TFEB: variants seen among roughly 807,000 people sequenced by gnomAD.
TFEB encodes the protein T-cell transcription factor EB.
Under a neutral mutation model 48.0 loss-of-function variants are expected in TFEB, and 12 were observed. That is an observed-to-expected ratio of 0.25 (90% CI 0.16 to 0.40). The LOEUF (loss-of-function observed/expected upper bound fraction) is 0.40, where lower values mean the gene tolerates loss of function less well. TFEB is among the 10% of genes least tolerant of loss of function. TFEB has a pLI of 1.00. For synonymous variants in TFEB, 244 were observed against 261.4 expected (o/e 0.93, Z 0.64); for missense variants, 509 against 640.3 (o/e 0.79, Z 2.21).
intron 1 of TFEB, among the ~76,000 whole-genome samples, chr6:41,713,631 G>A (rs1362294985): frequency 1.3e-5 from 2 of 152,180 alleles, no homozygotes. Context: ...CAGGCACCTG[G>A]TGGGCAGCAG....
At chr6:41,700,237 C>CG (rs1769828755) in intron 1 of TFEB, among the ~76,000 whole-genome samples, 1 of 152,118 alleles carries the variant, frequency 6.6e-6, no homozygotes, top group African/African-American at 2.4e-5. Flanking sequence ...GAGGCTGAGG[C>CG]GGGCGGATCA....
In TFEB at chr6:41,723,481, G is replaced by A. The variant is rs770593457; in HGVS notation, c.-23+11869C>T. 7.8e-7 allele frequency: 1 copy of A among 1,289,362 alleles called. No individual in the cohort carries two copies. Among genetic ancestry groups the A allele is most frequent in the South Asian group, 1.2e-5 (1 of 81,018 alleles). 79.9% of individuals were successfully genotyped at this position (1,289,362 alleles called of 1,614,324 possible). On this transcript the variant is annotated intron_variant, in intron 1 of 8. Transcript: ENST00000373033. The surrounding 1 kb of genome is among the most constrained non-coding windows in gnomAD (Gnocchi z 6.0). Reference sequence around the variant, plus strand: ...CATACCTTCGAGAGGGCAGCCCCCTGGAAGGAGGCCCCTGGAATGCTCAGC... The same window carrying A: ...CATACCTTCGAGAGGGCAGCCCCCTAGAAGGAGGCCCCTGGAATGCTCAGC...
chr6:41,733,765 G>A, intron 1 of TFEB: 2 of 984,970 alleles, frequency 2.0e-6, no homozygotes, highest in Non-Finnish European at 2.4e-6. Flanking sequence ...GTCCCTCCCC[G>A]GACAGTGAGC....
intron 8 of TFEB, among the ~76,000 whole-genome samples, chr6:41,685,432 T>C (rs1768948714): frequency 6.6e-6 from 1 of 152,238 alleles, no homozygotes; most frequent in South Asian, 2.1e-4. Context: ...TTTTTCACTT[T>C]GTGCCTGTGT....
In TFEB at chr6:41,723,775, C is replaced by G. The variant is rs765193168; in HGVS notation, c.-23+11575G>C. On this transcript the variant is annotated intron_variant, in intron 1 of 8. Transcript: ENST00000373033. This position sits in a 1 kb window ranked among gnomAD's most constrained non-coding sequence, Gnocchi z 6.0. ...CCGGCTCCAGGCGCCCACAGCGCTC[C>G]TTGGTCCTCCCACAGGAGGCCTCTC... 28 of 372,720 alleles carry G rather than the reference C, an allele frequency of 7.5e-5. No homozygotes were observed. Among genetic ancestry groups the G allele is most frequent in the Non-Finnish European group, 1.3e-4 (25 of 188,646 alleles). 23.1% of individuals were successfully genotyped at this position (372,720 alleles called of 1,614,324 possible). A position where few individuals can be genotyped will look rare whatever the true frequency, so the allele number is the denominator to read the frequency against.
At chr6:41,732,101 G>C (rs185532711) in intron 1 of TFEB, among the ~76,000 whole-genome samples, 27 of 152,212 alleles carry the variant, frequency 1.8e-4, no homozygotes, top group Middle Eastern at 6.8e-3. Context: ...GCCCAGGCTG[G>C]TCTCGAACTC....
At chr6:41,692,656 C>A (rs1769376455) in intron 1 of TFEB, among the ~76,000 whole-genome samples, 1 of 152,174 alleles carries the variant, frequency 6.6e-6, no homozygotes, top group African/African-American at 2.4e-5. Context: ...CTGGGTAAGT[C>A]CCCTCCCCCT....
intron 1 of TFEB, among the ~76,000 whole-genome samples, chr6:41,732,020 C>T (rs542989902): frequency 3.4e-4 from 51 of 152,186 alleles, no homozygotes; most frequent in Non-Finnish European, 6.2e-4. Flanking sequence ...AGCAAGTTCC[C>T]ACCCTGCTTT....
In TFEB at chr6:41,720,207, G is replaced by T. The variant is rs1770918561; in HGVS notation, c.-23+15143C>A. Among the ~76,000 whole-genome samples, 1 of 152,154 alleles carries T rather than the reference G, an allele frequency of 6.6e-6. No individual in the cohort carries two copies. Among genetic ancestry groups the T allele is most frequent in the Non-Finnish European group, 1.5e-5 (1 of 68,036 alleles). ...CAGCCCCTTAAGCTGGGACTCCTGG[G>T]GTACTCAATGAAGAGTGGAGCTTTA... On this transcript the variant is annotated intron_variant, in intron 1 of 8. Coordinates refer to ENST00000373033, the MANE Select transcript of TFEB (RefSeq NM_001271944.2). The surrounding 1 kb of genome is among the most constrained non-coding windows in gnomAD (Gnocchi z 4.1).
chr6:41,697,960 A>G (rs905343703), intron 1 of TFEB, among the ~76,000 whole-genome samples: 2 of 152,208 alleles, frequency 1.3e-5, no homozygotes, highest in African/African-American at 4.8e-5. Flanking sequence ...TGATGTAACC[A>G]TAAGTATTTT....
rs1353075522 is a variant in TFEB, at chr6:41,691,581, A to G, written c.-22-346T>C. 2.7e-5 allele frequency: 13 copies of G among 478,482 alleles called. No homozygotes were observed. The highest frequency in any genetic ancestry group is 3.9e-5 in the African/African-American group (2 of 50,944). 29.6% of individuals were successfully genotyped at this position (478,482 alleles called of 1,614,324 possible). A position where few individuals can be genotyped will look rare whatever the true frequency, so the allele number is the denominator to read the frequency against. ...CTCATATCCACCCTCCTTTGCTGCC[A>G]CAAGGTGGGCCCAGCCTATCCTGGG... On this transcript the variant is annotated intron_variant, in intron 1 of 8. Transcript: ENST00000373033. This position sits in a 1 kb window ranked among gnomAD's most constrained non-coding sequence, Gnocchi z 5.2.
intron 1 of TFEB, among the ~76,000 whole-genome samples, chr6:41,714,132 CATGTGTGCGT>C (rs1332082340): frequency 1.7e-5 from 2 of 118,718 alleles, no homozygotes; most frequent in African/African-American, 8.3e-5. Context: ...TGTGCGTGTG[CATGTGTGCGT>C]GTGTGTGCAT....
In TFEB at chr6:41,734,414, C is replaced by T. The variant is rs544060597; in HGVS notation, c.-23+936G>A. ...CCGTGCGTGAAGCCGGAACCCCGCG[C>T]GGGGAGGGGGCCGAGCTGGCATCTG... On this transcript the variant is annotated intron_variant, in intron 1 of 8. Coordinates refer to ENST00000373033, the MANE Select transcript of TFEB (RefSeq NM_001271944.2). The surrounding 1 kb of genome is among the most constrained non-coding windows in gnomAD (Gnocchi z 4.0). 1 of 980,340 alleles carries T rather than the reference C, an allele frequency of 1.0e-6. No homozygotes were observed. The highest frequency in any genetic ancestry group is 6.3e-5 in the Admixed American group (1 of 15,850). 60.7% of individuals were successfully genotyped at this position (980,340 alleles called of 1,614,324 possible).
Position 41,726,206 on chromosome 6 carries a change from A to G in TFEB, c.-23+9144T>C, listed in dbSNP as rs536495024. Among the ~76,000 whole-genome samples the G allele has an allele frequency of 3.3e-5, 5 of 152,348 alleles. No individual in the cohort carries two copies. The South Asian group carries it at 1.0e-3, about 32-fold the overall frequency. ...CACAAATACACTGTTGGGTGGGAAA[A>G]GCCTGACGTAAAAGAACATGTCCAG... On this transcript the variant is annotated intron_variant, in intron 1 of 8. Transcript: ENST00000373033.
chr6:41,734,199 G>A lies in TFEB; in HGVS notation c.-23+1151C>T, dbSNP rs1771571904. 1.2e-5 allele frequency: 3 copies of A among 256,236 alleles called. No individual in the cohort carries two copies. The highest frequency in any genetic ancestry group is 6.5e-5 in the Admixed American group (1 of 15,416). 15.9% of individuals were successfully genotyped at this position (256,236 alleles called of 1,614,324 possible). ...GAGAGAACGACGGCTGGAGCTGAGG[G>A]GGGTTCGGGGGAAGGCGCAGCGGCC... is the stretch of plus-strand genomic sequence containing the variant. On this transcript the variant is annotated intron_variant, in intron 1 of 8. Coordinates refer to ENST00000373033, the MANE Select transcript of TFEB (RefSeq NM_001271944.2). The surrounding 1 kb of genome is among the most constrained non-coding windows in gnomAD (Gnocchi z 4.0).
In TFEB at chr6:41,735,479, G is replaced by A. The variant is rs1771642861; in HGVS notation, c.-152C>T. On this transcript the variant is annotated 5_prime_UTR_variant, in exon 1 of 9. Transcript: ENST00000373033. ...GGCCTGCTCCGGCCCCGTGCCACCA[G>A]GGAGGCCCGCCCCGTCCGCCCTTCC... The A allele has an allele frequency of 1.0e-6, 1 of 984,664 alleles. No individual in the cohort carries two copies. The highest frequency in any genetic ancestry group is 1.2e-6 in the Non-Finnish European group (1 of 829,718). The allele number at this position is 984,664 out of a possible 1,614,324, so 61.0% of individuals were successfully genotyped here. A position where few individuals can be genotyped will look rare whatever the true frequency, so the allele number is the denominator to read the frequency against.
chr6:41,715,073 G>A (rs1428074096), intron 1 of TFEB, among the ~76,000 whole-genome samples: 3 of 152,106 alleles, frequency 2.0e-5, no homozygotes, highest in South Asian at 2.1e-4. Context: ...GAGCAGCATG[G>A]GGAGTGGGAG....
rs1230431629 is a variant in TFEB at position 41,723,422 on chromosome 6, T to G, written c.-23+11928A>C. On this transcript the variant is annotated intron_variant, in intron 1 of 8. Transcript: ENST00000373033. This position sits in a 1 kb window ranked among gnomAD's most constrained non-coding sequence, Gnocchi z 6.0. ...ACATTCACACACATGCTCACACACA[T>G]GCACACACTCACACACATGCACGCG... 4.0e-5 allele frequency: 47 copies of G among 1,171,428 alleles called. No individual in the cohort carries two copies. The highest frequency in any genetic ancestry group is 4.9e-5 in the Non-Finnish European group (43 of 882,460). The allele number at this position is 1,171,428 out of a possible 1,614,324, so 72.6% of individuals were successfully genotyped here. A position where few individuals can be genotyped will look rare whatever the true frequency, so the allele number is the denominator to read the frequency against.
chr6:41,732,589 C>A lies in TFEB; in HGVS notation c.-23+2761G>T, dbSNP rs1465794570. ...TTCCTAGACACTTTAACCACACACA[C>A]AAACTCACAACCATTACATAAACCC... On this transcript the variant is annotated intron_variant, in intron 1 of 8. Transcript: ENST00000373033. The A allele has an allele frequency of 7.1e-6, 7 of 985,818 alleles. No individual in the cohort carries two copies. The African/African-American group carries it at 1.0e-4, about 15-fold the overall frequency. The allele number at this position is 985,818 out of a possible 1,614,324, so 61.1% of individuals were successfully genotyped here. A position where few individuals can be genotyped will look rare whatever the true frequency, so the allele number is the denominator to read the frequency against.
Sources: gnomAD v4.1 joint callset for allele counts (sites outside exome capture counted in the v4.1 genomes callset) on GRCh38, gnomAD v4.1.1 for gene constraint, Gnocchi (gnomAD v3.1) non-coding constraint, MANE v1.5 for transcripts, NCBI Gene and HGNC (gene_info 2026-07-23, HGNC 2026-07-21) for gene names.